The following PHF20 variants were observed in gnomAD, a reference collection of about 807,000 sequenced individuals.
The protein encoded by PHF20 is PHD finger protein 20.
PHF20 carries 23 observed loss-of-function variants against 113.5 expected under a neutral mutation model. The observed-to-expected ratio is 0.20, with a 90% CI of 0.15 to 0.29. PHF20 has a LOEUF of 0.29. PHF20 is among the 10% of genes least tolerant of loss of function. The pLI, the probability that PHF20 is intolerant of heterozygous loss-of-function variation, is 1.00. For synonymous variants in PHF20, 434 were observed against 457.3 expected (o/e 0.95, Z 0.65); for missense variants, 943 against 1,219.6 (o/e 0.77, Z 3.38).
chr20:35,817,909 A>T (rs2146895592), intron 2 of PHF20, among the ~76,000 whole-genome samples: 1 of 152,182 alleles, frequency 6.6e-6, no homozygotes, highest in East Asian at 1.9e-4. Context: ...GGAGTTCAAG[A>T]CAAGCCTGGG....
At chr20:35,910,159 A>G (rs1057396809) in intron 10 of PHF20, among the ~76,000 whole-genome samples, 2 of 152,216 alleles carry the variant, frequency 1.3e-5, no homozygotes, top group African/African-American at 4.8e-5. Flanking sequence ...GAAAGAAACC[A>G]GACACAAAAG....
At chr20:35,794,683 G>T (rs928728591) in intron 1 of PHF20, among the ~76,000 whole-genome samples, 4 of 152,130 alleles carry the variant, frequency 2.6e-5, no homozygotes. Context: ...AAGTTCCAGA[G>T]TTTATTTCCC....
At position 35,941,078 on chromosome 20, in the gene PHF20, T is replaced by G. The variant is rs536501439; in HGVS notation, c.2896+31T>G. Reference sequence around the variant, plus strand: ...GCTCCTTCATTGGCCCCCTGTGCATTGGCATGCAGTCGAGCACCCCCAGAC... The same window carrying G: ...GCTCCTTCATTGGCCCCCTGTGCATGGGCATGCAGTCGAGCACCCCCAGAC... On this transcript the variant is annotated intron_variant, in intron 17 of 17. Transcript: ENST00000374012. The G allele has an allele frequency of 9.2e-5, 146 of 1,589,806 alleles. 3 individuals are homozygous for G. The South Asian group carries it at 1.5e-3, about 17-fold the overall frequency.
intron 14 of PHF20, 33 bp from the exon 15 acceptor site, chr20:35,931,216 C>G: frequency 6.5e-7 from 1 of 1,544,108 alleles, no homozygotes. Flanking sequence ...TCCTTCAGGC[C>G]TTGTTTTAAC....
rs1555799925 is a variant in PHF20, at chr20:35,904,767, C to CTCTTCCTTCCTTCCT, written c.1561+5121_1561+5122insTTCCTTCCTTCCTTC. ...TCTCTTCACAGATCTGATTTCTTTT[C>CTCTTCCTTCCTTCCT]TCCTTCCTTCCTTCCTTCCTTCCTT... On this transcript the variant is annotated intron_variant, in intron 10 of 17. Coordinates refer to ENST00000374012, the MANE Select transcript of PHF20 (RefSeq NM_016436.5). Among the ~76,000 whole-genome samples the CTCTTCCTTCCTTCCT allele has an allele frequency of 2.2e-3, 272 of 125,688 alleles. 1 individual carries two copies. Among genetic ancestry groups the CTCTTCCTTCCTTCCT allele is most frequent in the African/African-American group, 8.9e-3 (265 of 29,890 alleles). The allele number at this position is 125,688 out of a possible 152,430, so 82.5% of individuals were successfully genotyped here.
At chr20:35,806,348 A>G (rs1198301106) in intron 2 of PHF20, among the ~76,000 whole-genome samples, 2 of 150,320 alleles carry the variant, frequency 1.3e-5, no homozygotes, top group Non-Finnish European at 3.0e-5. Flanking sequence ...TTTAGTGGAG[A>G]TGAGGTTTCA....
chr20:35,819,677 T>TG, intron 2 of PHF20, among the ~76,000 whole-genome samples: 1 of 151,514 alleles, frequency 6.6e-6, no homozygotes, highest in Non-Finnish European at 1.5e-5. Flanking sequence ...TGTGTGTGTG[T>TG]TTTTAAGCAA....
At chr20:35,847,223 T>C in intron 3 of PHF20, 127 bp from the exon 4 acceptor site, 1 of 610,362 alleles carries the variant, frequency 1.6e-6, no homozygotes, top group Admixed American at 3.1e-5. Context: ...TTCCTCCATC[T>C]CAACAGCTAC....
At position 35,842,616 on chromosome 20, in the gene PHF20, G is replaced by T. The variant is rs768233756; in HGVS notation, c.127G>T (p.Val43Leu). 9 of 1,614,034 alleles carry T rather than the reference G, an allele frequency of 5.6e-6. No homozygotes were observed. Among genetic ancestry groups the T allele is most frequent in the Non-Finnish European group, 5.1e-6 (6 of 1,179,940 alleles). The change falls in exon 3 of 18, where the codon GTA becomes TTA. Residue 43 changes from valine (V) to leucine (L), a missense_variant. Physicochemically the swap from Val to Leu is conservative, Grantham distance 32. Coordinates refer to ENST00000374012, the MANE Select transcript of PHF20 (RefSeq NM_016436.5). ...AGACATTGACTACGAGGAAGGAAAA[G>T]TACTCATCCATTTCAAGCGTTGGAA... ...IEDIDYEEGK[V>L]LIHFKRWNHR...
intron 1 of PHF20, among the ~76,000 whole-genome samples, chr20:35,786,988 G>GT (rs954417364): frequency 0.016 from 2,110 of 128,598 alleles, 27 homozygotes; most frequent in African/African-American, 0.026. Context: ...TCTCTTTCCT[G>GT]TTTTTTTTTT....
intron 9 of PHF20, among the ~76,000 whole-genome samples, chr20:35,880,689 G>A (rs972059382): frequency 2.0e-5 from 3 of 152,026 alleles, no homozygotes; most frequent in Admixed American, 6.6e-5. Flanking sequence ...GATGGGATGC[G>A]GTGGCTCATG....
At chr20:35,904,415 G>C (rs1320110459) in intron 10 of PHF20, among the ~76,000 whole-genome samples, 1 of 150,400 alleles carries the variant, frequency 6.6e-6, no homozygotes, top group South Asian at 2.1e-4. Context: ...CTCCCAAATA[G>C]CTGGTATTAC....
chr20:35,815,873 AC>A (rs2042064552), intron 2 of PHF20, among the ~76,000 whole-genome samples: 1 of 152,238 alleles, frequency 6.6e-6, no homozygotes, highest in Non-Finnish European at 1.5e-5. Context: ...TCTCAAAAAA[AC>A]AAACAAACAA....
chr20:35,871,843 G>A lies in PHF20; in HGVS notation c.1282+14G>A. 1.3e-6 allele frequency: 2 copies of A among 1,555,882 alleles called. No homozygotes were observed. The highest frequency in any genetic ancestry group is 1.7e-6 in the Non-Finnish European group (2 of 1,144,386). On this transcript the variant is annotated intron_variant, in intron 9 of 17. Coordinates refer to ENST00000374012, the MANE Select transcript of PHF20 (RefSeq NM_016436.5). ...CGACTGTGGAAGGTTCATATTTAGA[G>A]TTAAATTAATCCTCTTTTTATATAC...
At chr20:35,921,370 C>T (rs987116570) in intron 13 of PHF20, among the ~76,000 whole-genome samples, 4 of 151,604 alleles carry the variant, frequency 2.6e-5, no homozygotes, top group Admixed American at 1.3e-4. Context: ...ACACATTTTG[C>T]AGACTCTCTG....
In PHF20 at chr20:35,899,611, G is replaced by A. The variant is rs933991363; in HGVS notation, c.1524G>A (p.Glu508=). The part of the protein sequence containing the change: ...GPSASDKPSQ[E]TLTRKRVSAS... ...CAGCTTCAGACAAGCCCAGCCAGGA[G>A]ACCCTGACCAGGAAGCGGGTCTCTG... Residue 508 remains glutamate, a synonymous_variant, in exon 10 of 18, where the codon GAG becomes GAA. Transcript: ENST00000374012. The A allele has an allele frequency of 2.6e-5, 42 of 1,614,078 alleles. No individual in the cohort carries two copies. Among genetic ancestry groups the A allele is most frequent in the Non-Finnish European group, 3.3e-5 (39 of 1,180,036 alleles).
intron 13 of PHF20, among the ~76,000 whole-genome samples, chr20:35,925,632 T>G (rs759372625): frequency 6.6e-6 from 1 of 152,102 alleles, no homozygotes; most frequent in African/African-American, 2.4e-5. Flanking sequence ...ACTCTTGCTG[T>G]CCAGGAACAG....
rs374772037 is a variant in PHF20, at chr20:35,934,477, C to T, written c.2300+3033C>T. ...GGGAACTTTGTTTCCTTCTGTCTTA[C>T]GGCTCCAGCATTCTCTTAGGGTTCC... On this transcript the variant is annotated intron_variant, in intron 15 of 17. Coordinates refer to ENST00000374012, the MANE Select transcript of PHF20 (RefSeq NM_016436.5). 1.4e-4 allele frequency among the ~76,000 whole-genome samples: 21 copies of T among 152,354 alleles called. 1 individual carries two copies. Among genetic ancestry groups the T allele is most frequent in the African/African-American group, 2.9e-4 (12 of 41,588 alleles).
chr20:35,932,303 A>T (rs2055773187), intron 15 of PHF20, among the ~76,000 whole-genome samples: 1 of 151,544 alleles, frequency 6.6e-6, no homozygotes, highest in Non-Finnish European at 1.5e-5. Context: ...TCCTGACCTC[A>T]AGTGATCCAC....
Sources: allele counts gnomAD v4.1 joint callset (sites outside exome capture counted in the v4.1 genomes callset), GRCh38; gene constraint gnomAD v4.1.1; transcripts MANE v1.5; gene names NCBI Gene and HGNC (gene_info 2026-07-23, HGNC 2026-07-21).